Variants in WSCD2 observed in about 807,000 individuals in gnomAD.
WSCD2 encodes WSC domain sialate O sulfotransferase 2.
In WSCD2, 28 loss-of-function variants were observed where a neutral mutation model predicts 55.7. The ratio of observed to expected loss-of-function variants is 0.50; its 90% CI spans 0.37 to 0.69. WSCD2 has a LOEUF of 0.69. Among genes scored for constraint, WSCD2 ranks in the 30% least tolerant of loss-of-function variants. The probability of loss-of-function intolerance (pLI) is 0.00; values close to 1 mark genes in which losing one functional copy is unlikely to be tolerated. For missense variants in WSCD2, 616 were observed against 762.1 expected, an observed-to-expected ratio of 0.81 and a Z score of 2.26; for synonymous variants, 301 against 301.9, an observed-to-expected ratio of 1.00 and a Z score of 0.03.
At position 108,250,237 on chromosome 12, in the gene WSCD2, G is replaced by A. The variant is rs1292391851; in HGVS notation, c.*1894G>A. On this transcript the variant is annotated 3_prime_UTR_variant, in exon 9 of 9. Coordinates refer to ENST00000547525, the MANE Select transcript of WSCD2 (RefSeq NM_014653.4). ...GAGAGAGACAACAGAGACAGAGAGA[G>A]GCAGAGAGGCATAGAGAGACAGAGA... The A allele has an allele frequency of 6.6e-6, 1 of 152,110 alleles. No homozygotes were observed. Among genetic ancestry groups the A allele is most frequent in the African/African-American group, 2.4e-5 (1 of 41,328 alleles). The allele number at this position is 152,110 out of a possible 1,614,324, so 9.4% of individuals were successfully genotyped here.
intron 7 of WSCD2, among the ~76,000 whole-genome samples, chr12:108,237,577 A>G (rs570626843): frequency 6.6e-6 from 1 of 152,302 alleles, no homozygotes; most frequent in East Asian, 1.9e-4. Context: ...CCTCTTTAGA[A>G]GACAATTGAG....
chr12:108,193,762 A>T (rs1883521150), intron 1 of WSCD2, among the ~76,000 whole-genome samples: 1 of 152,204 alleles, frequency 6.6e-6, no homozygotes, highest in South Asian at 2.1e-4. Flanking sequence ...CTGCTGGATG[A>T]CAGACGGATG....
intron 4 of WSCD2, among the ~76,000 whole-genome samples, chr12:108,223,291 A>G (rs1887730341): frequency 6.6e-6 from 1 of 152,270 alleles, no homozygotes; most frequent in African/African-American, 2.4e-5. Context: ...GTCCAGGGAC[A>G]TCACAGTTAT....
chr12:108,203,194 C>G (rs1884928781), intron 2 of WSCD2, among the ~76,000 whole-genome samples: 1 of 152,262 alleles, frequency 6.6e-6, no homozygotes, highest in Non-Finnish European at 1.5e-5. Flanking sequence ...CCACCTTGAA[C>G]TAGCTTAAGC....
chr12:108,214,649 A>C (rs1223674342), intron 4 of WSCD2, among the ~76,000 whole-genome samples: 5 of 152,212 alleles, frequency 3.3e-5, no homozygotes, highest in Non-Finnish European at 7.3e-5. Flanking sequence ...TGCAAAGTTC[A>C]TCAGAACGGG....
intron 2 of WSCD2, among the ~76,000 whole-genome samples, chr12:108,205,392 A>AAAT (rs1207171752): frequency 5.3e-5 from 8 of 152,240 alleles, no homozygotes; most frequent in African/African-American, 1.4e-4. Flanking sequence ...GTGAATGTCC[A>AAAT]AATAATAATA....
intron 1 of WSCD2, among the ~76,000 whole-genome samples, chr12:108,133,018 C>A (rs547825439): frequency 6.6e-6 from 1 of 152,002 alleles, no homozygotes; most frequent in Non-Finnish European, 1.5e-5. Context: ...CGTGTGTATC[C>A]GTGAATGTTA....
intron 1 of WSCD2, among the ~76,000 whole-genome samples, chr12:108,159,003 C>A (rs764825415): frequency 1.3e-5 from 2 of 152,178 alleles, no homozygotes; most frequent in Non-Finnish European, 2.9e-5. Flanking sequence ...AGCCAGAGTT[C>A]TTCCTGGAAA....
chr12:108,197,380 C>T (rs1460515621), intron 2 of WSCD2, among the ~76,000 whole-genome samples: 3 of 141,082 alleles, frequency 2.1e-5, no homozygotes, highest in Non-Finnish European at 4.6e-5. Context: ...TAGACTTCTG[C>T]CTCTTCAAGA....
chr12:108,146,439 A>G (rs1877401797), intron 1 of WSCD2, among the ~76,000 whole-genome samples: 1 of 152,274 alleles, frequency 6.6e-6, no homozygotes, highest in African/African-American at 2.4e-5. Flanking sequence ...TGGAGGATAC[A>G]GTTAGCCCCT....
chr12:108,226,726 C>T (rs1369719704), intron 5 of WSCD2, among the ~76,000 whole-genome samples: 1 of 152,158 alleles, frequency 6.6e-6, no homozygotes, highest in African/African-American at 2.4e-5. Flanking sequence ...TAGTGGTAGC[C>T]ATACAAAGTA....
chr12:108,180,050 CA>C (rs59925486), intron 1 of WSCD2, among the ~76,000 whole-genome samples: 68,535 of 118,092 alleles, frequency 0.58, 15,894 homozygotes, highest in East Asian at 0.74. Context: ...CTCAAAAAAA[CA>C]AAAAAAAAAA....
At chr12:108,218,394 G>A (rs1303925658) in intron 4 of WSCD2, among the ~76,000 whole-genome samples, 1 of 152,168 alleles carries the variant, frequency 6.6e-6, no homozygotes, top group African/African-American at 2.4e-5. Flanking sequence ...GTCAGTCCAG[G>A]GAAATGCCAT....
chr12:108,132,525 TGTGC>T (rs757059729), intron 1 of WSCD2, among the ~76,000 whole-genome samples: 51 of 152,242 alleles, frequency 3.3e-4, no homozygotes, highest in Non-Finnish European at 4.4e-4. Context: ...GATTTGTGAG[TGTGC>T]GTGTGCATGC....
chr12:108,166,789 C>CTTTCTT (rs1232364251), intron 1 of WSCD2, among the ~76,000 whole-genome samples: 7 of 133,162 alleles, frequency 5.3e-5, no homozygotes, highest in African/African-American at 2.0e-4. Context: ...TTCTTTCTTT[C>CTTTCTT]TGTCTTTCTT....
At chr12:108,162,362 A>G (rs2136942968) in intron 1 of WSCD2, among the ~76,000 whole-genome samples, 1 of 152,186 alleles carries the variant, frequency 6.6e-6, no homozygotes, top group African/African-American at 2.4e-5. Flanking sequence ...AATCAAACAC[A>G]TATGCCTTGG....
intron 1 of WSCD2, among the ~76,000 whole-genome samples, chr12:108,152,103 A>G (rs10746117): frequency 0.79 from 119,877 of 152,154 alleles, 47,658 homozygotes; most frequent in East Asian, 0.91. Context: ...TCCCCCCGGG[A>G]AACGCTCAGA....
intron 1 of WSCD2, among the ~76,000 whole-genome samples, chr12:108,146,689 G>A (rs571617329): frequency 3.2e-4 from 48 of 152,174 alleles, no homozygotes; most frequent in Non-Finnish European, 5.9e-4. Flanking sequence ...GTGGGCTGGC[G>A]TCCAGGTTCA....
chr12:108,138,919 C>A (rs746368614), intron 1 of WSCD2, among the ~76,000 whole-genome samples: 10 of 152,198 alleles, frequency 6.6e-5, no homozygotes, highest in Non-Finnish European at 1.3e-4. Flanking sequence ...GTAGCAATGC[C>A]CCCTGGGAGG....
Sources: gnomAD v4.1 joint callset for allele counts (sites outside exome capture counted in the v4.1 genomes callset) on GRCh38, gnomAD v4.1.1 for gene constraint, MANE v1.5 for transcripts, NCBI Gene and HGNC (gene_info 2026-07-23, HGNC 2026-07-21) for gene names.